Variants in IRX2 observed in about 807,000 individuals in gnomAD.
The protein encoded by IRX2 is iroquois homeobox 2.
In IRX2, 26 loss-of-function variants were observed where a neutral mutation model predicts 42.9. That is an observed-to-expected ratio of 0.61 (90% CI 0.44 to 0.84). The LOEUF (loss-of-function observed/expected upper bound fraction) is 0.84. Among genes scored for constraint, IRX2 ranks in the 40% least tolerant of loss-of-function variants. The pLI, the probability that IRX2 is intolerant of heterozygous loss-of-function variation, is 0.00. For synonymous variants in IRX2, 424 were observed against 353.9 expected, an observed-to-expected ratio of 1.20 and a Z score of -2.22; for missense variants, 782 against 713.9, an observed-to-expected ratio of 1.10 and a Z score of -1.09.
rs1460024262 is a variant in IRX2, at chr5:2,751,096, C to A, written c.249+69G>T. 1.7e-5 allele frequency: 20 copies of A among 1,195,130 alleles called. No homozygotes were observed. In the South Asian group the frequency reaches 7.7e-4, roughly 46 times the overall value. The allele number at this position is 1,195,130 out of a possible 1,614,324, so 74.0% of individuals were successfully genotyped here. A position where few individuals can be genotyped will look rare whatever the true frequency, so the allele number is the denominator to read the frequency against. On this transcript the variant is annotated intron_variant, in intron 1 of 3. Coordinates refer to ENST00000302057, the MANE Select transcript of IRX2 (RefSeq NM_033267.5). The surrounding 1 kb of genome is among the most constrained non-coding windows in gnomAD (Gnocchi z 4.0). The stretch of plus-strand genomic sequence containing the variant: ...CGGCCCCCGCCCGCCGAACCCGAGC[C>A]CCGCTCCGCCTGAGCCCCGTCTGGG...
At chr5:2,738,541 C>A in the IRX2 span, among the ~76,000 whole-genome samples, 1 of 152,034 alleles carries the variant, frequency 6.6e-6, no homozygotes, top group Non-Finnish European at 1.5e-5. Context: ...CCTCTTTGGT[C>A]CCCTGGCCTC....
chr5:2,749,887 C>G, intron 1 of IRX2, 100 bp from the exon 2 acceptor site: 1 of 1,280,822 alleles, frequency 7.8e-7, no homozygotes, highest in Non-Finnish European at 1.1e-6. Context: ...ACCGTTCCCC[C>G]CGTGAGTCTG....
rs1238857361 is a variant in IRX2 at position 2,747,644 on chromosome 5, A to G, written c.1364-28T>C. ...GTCAGGGGAGTGGGCAGTTAGTCAG[A>G]ACCGACCCCACAGCCTGCTGGCTGC... On this transcript the variant is annotated intron_variant, in intron 3 of 3. Coordinates refer to ENST00000302057, the MANE Select transcript of IRX2 (RefSeq NM_033267.5). 6 of 1,611,612 alleles carry G rather than the reference A, an allele frequency of 3.7e-6. No homozygotes were observed. The African/African-American group carries it at 4.0e-5, about 11-fold the overall frequency.
chr5:2,749,999 T>G (rs1737876413), intron 1 of IRX2, among the ~76,000 whole-genome samples: 1 of 152,184 alleles, frequency 6.6e-6, no homozygotes, highest in Non-Finnish European at 1.5e-5. Flanking sequence ...ATTCTCGAAT[T>G]TCTGAACTAT....
At position 2,748,581 on chromosome 5, in the gene IRX2, G is replaced by T. The variant is rs1415210624; in HGVS notation, c.1127C>A (p.Pro376Gln). ...GTAGTAGAGGGGGCGGCCCAGCAGC[G>T]GCGAGGCAGGGTAGGGCGAGCCTCC... ...PPGGSPYPAS[P>Q]LLGRPLYYTS... Residue 376 changes from proline to glutamine, a missense_variant, in exon 3 of 4, where the codon CCG becomes CAG. Physicochemically the swap from Pro to Gln is moderately conservative, Grantham distance 76. This residue lies in a region of IRX2 where 520 missense variants were observed against 437.8 expected (regional missense o/e 1.19). Coordinates refer to ENST00000302057, the MANE Select transcript of IRX2 (RefSeq NM_033267.5). The T allele has an allele frequency of 6.4e-7, 1 of 1,559,156 alleles. No individual in the cohort carries two copies.
At chr5:2,736,840 A>T in the IRX2 span, 1 of 152,210 alleles carries the variant, frequency 6.6e-6, no homozygotes, top group Non-Finnish European at 1.5e-5. Flanking sequence ...TATGTTGATG[A>T]CTTCCATGCA....
At chr5:2,738,923 G>C in the IRX2 span, among the ~76,000 whole-genome samples, 4 of 152,206 alleles carry the variant, frequency 2.6e-5, no homozygotes, top group Non-Finnish European at 5.9e-5. Context: ...GCTGTGGCTG[G>C]AGACCCTCTT....
intron 3 of IRX2, 36 bp downstream of exon 3, chr5:2,748,309 T>C: frequency 7.3e-7 from 1 of 1,373,994 alleles, no homozygotes; most frequent in South Asian, 1.7e-5. Flanking sequence ...TGGCTCTCCC[T>C]CCCCTCCCGG....
chr5:2,751,370 A>G lies in IRX2; in HGVS notation c.44T>C (p.Leu15Pro). 2 of 1,427,710 alleles carry G rather than the reference A, an allele frequency of 1.4e-6. No homozygotes were observed. Among genetic ancestry groups the G allele is most frequent in the Non-Finnish European group, 1.8e-6 (2 of 1,090,410 alleles). The allele number at this position is 1,427,710 out of a possible 1,614,324, so 88.4% of individuals were successfully genotyped here. Residue 15 changes from leucine to proline, a missense_variant, in exon 1 of 4, where the codon CTG (leucine) becomes CCG (proline). Transcript: ENST00000302057. The surrounding 1 kb of genome is among the most constrained non-coding windows in gnomAD (Gnocchi z 4.0). ...QGYLYQAPGSLALYSCPAYGA... is the reference protein window; with the variant it reads ...QGYLYQAPGSPALYSCPAYGA... Reference sequence around the variant, plus strand: ...GTAGGCCGGGCACGAGTAGAGCGCCAGCGAGCCGGGCGCCTGGTACAGGTA... The same window carrying G: ...GTAGGCCGGGCACGAGTAGAGCGCCGGCGAGCCGGGCGCCTGGTACAGGTA...
Position 2,748,347 on chromosome 5 carries a change from T to C in IRX2, c.1361A>G (p.Lys454Arg). 1 of 1,438,284 alleles carries C rather than the reference T, an allele frequency of 7.0e-7. No homozygotes were observed. 89.1% of individuals were successfully genotyped at this position (1,438,284 alleles called of 1,614,324 possible). ...RSPGGGYEPK[K>R]DASEGCTVVG... ...GCCGCCGGCCGCGGGCCGCCTACCTTTCTTGGGCTCGTAGCCGCCGCCCGG... is the reference window on the plus strand; with the variant it reads ...GCCGCCGGCCGCGGGCCGCCTACCTCTCTTGGGCTCGTAGCCGCCGCCCGG... Residue 454 changes from lysine (K) to arginine (R), a missense_variant and splice_region_variant, in exon 3 of 4, where the codon AAA (lysine) becomes AGA (arginine). Physicochemically the swap from Lys to Arg is conservative, Grantham distance 26 (BLOSUM62 2). Coordinates refer to ENST00000302057, the MANE Select transcript of IRX2 (RefSeq NM_033267.5).
rs1553992923 is a variant in IRX2, at chr5:2,746,765, T to TTTTC, written c.*798_*799insGAAA. On this transcript the variant is annotated 3_prime_UTR_variant, in exon 4 of 4. Transcript: ENST00000302057. ...GCTGACTTTTTTTTTTTTTTTTTTTTCAAAGCAATTGTGACACCTACCTGT... is the reference window on the plus strand; with the variant it reads ...GCTGACTTTTTTTTTTTTTTTTTTTTTTTCCAAAGCAATTGTGACACCTACCTGT... 1 of 150,928 alleles carries TTTTC rather than the reference T, an allele frequency of 6.6e-6. No homozygotes were observed. Among genetic ancestry groups the TTTTC allele is most frequent in the African/African-American group, 2.4e-5 (1 of 40,986 alleles). 9.3% of individuals were successfully genotyped at this position (150,928 alleles called of 1,614,324 possible). A position where few individuals can be genotyped will look rare whatever the true frequency, so the allele number is the denominator to read the frequency against.
downstream of IRX2, among the ~76,000 whole-genome samples, chr5:2,744,073 C>CGTGTGTGT (rs10547927): frequency 2.2e-3 from 312 of 140,162 alleles, no homozygotes; most frequent in East Asian, 4.2e-3. Flanking sequence ...AGAATGGAGT[C>CGTGTGTGT]GTGTGTGTGT....
downstream of IRX2, among the ~76,000 whole-genome samples, chr5:2,741,488 G>T (rs902635677): frequency 5.3e-5 from 8 of 152,316 alleles, no homozygotes; most frequent in African/African-American, 1.9e-4. Flanking sequence ...AAAAGGAGGA[G>T]AGGTGTAGGG....
chr5:2,750,010 T>C (rs1737876832), intron 1 of IRX2, among the ~76,000 whole-genome samples: 1 of 152,176 alleles, frequency 6.6e-6, no homozygotes, highest in Non-Finnish European at 1.5e-5. Flanking sequence ...TCTGAACTAT[T>C]TCACTTTCCT....
At chr5:2,737,560 C>T in the IRX2 span, among the ~76,000 whole-genome samples, 1 of 152,194 alleles carries the variant, frequency 6.6e-6, no homozygotes, top group Admixed American at 6.5e-5. Context: ...ACTAGCAGGT[C>T]TCGAGTGCTG....
At chr5:2,739,269 C>A in the IRX2 span, among the ~76,000 whole-genome samples, 74,441 of 152,078 alleles carry the variant, frequency 0.49, 18,546 homozygotes, top group South Asian at 0.61. Context: ...GGGCGTCCCC[C>A]GAGGTGTCGC....
intron 2 of IRX2, 49 bp from the exon 3 acceptor site, chr5:2,749,101 C>A: frequency 1.3e-6 from 2 of 1,571,412 alleles, no homozygotes; most frequent in Non-Finnish European, 1.7e-6. Context: ...AGCGCAGGCA[C>A]CTGGAGCCCC....
Position 2,746,178 on chromosome 5 carries a change from G to A in IRX2, c.*1386C>T, listed in dbSNP as rs528793859. ...CCAAACATCATATTATTGTAGACTA[G>A]TCTGTTTTTATTTACAATTTAAGAT... is the stretch of plus-strand genomic sequence containing the variant. On this transcript the variant is annotated 3_prime_UTR_variant, in exon 4 of 4. Coordinates refer to ENST00000302057, the MANE Select transcript of IRX2 (RefSeq NM_033267.5). The A allele has an allele frequency of 1.1e-4, 16 of 152,062 alleles. No homozygotes were observed. The South Asian group carries it at 1.7e-3, about 16-fold the overall frequency. 9.4% of individuals were successfully genotyped at this position (152,062 alleles called of 1,614,324 possible).
intron 3 of IRX2, 135 bp downstream of exon 3, chr5:2,748,210 T>G (rs1177105142): frequency 1.4e-6 from 1 of 737,866 alleles, no homozygotes; most frequent in Non-Finnish European, 2.0e-6. Flanking sequence ...CCGCCCTCAC[T>G]CTGCTAATTC....
Sources: allele counts gnomAD v4.1 joint callset (sites outside exome capture counted in the v4.1 genomes callset), GRCh38; gene constraint gnomAD v4.1.1; regional missense constraint gnomAD v4.1.1; non-coding constraint Gnocchi (gnomAD v3.1); transcripts MANE v1.5; gene names NCBI Gene and HGNC (gene_info 2026-07-23, HGNC 2026-07-21).